The following TNR variants were observed in gnomAD, a reference collection of about 807,000 sequenced individuals.
TNR encodes tenascin-R.
TNR carries 45 observed loss-of-function variants against 150.4 expected under a neutral mutation model. The ratio of observed to expected loss-of-function variants is 0.30; its 90% CI spans 0.24 to 0.38. TNR has a LOEUF of 0.38. TNR is among the 10% of genes least tolerant of loss of function. The pLI is 1.00. For synonymous variants in TNR, 687 were observed against 678.4 expected (o/e 1.01, Z -0.20); for missense variants, 1,544 against 1,759.1 (o/e 0.88, Z 2.19).
intron 1 of TNR, among the ~76,000 whole-genome samples, chr1:175,532,707 A>T (rs1433298803): frequency 6.6e-6 from 1 of 152,206 alleles, no homozygotes; most frequent in African/African-American, 2.4e-5. Flanking sequence ...TTCAGTCAAG[A>T]TGTTGAAGGT....
In TNR at chr1:175,490,122, G is replaced by A. The variant is rs910030325; in HGVS notation, c.-64+38147C>T. Among the ~76,000 whole-genome samples the A allele has an allele frequency of 5.9e-5, 9 of 152,204 alleles. No homozygotes were observed. The East Asian group carries it at 1.7e-3, about 29-fold the overall frequency. The stretch of plus-strand genomic sequence containing the variant: ...AAGCCTGACAAAAACAAGCAATGGG[G>A]AAAAGATTCCCTATTTAATAAATGG... On this transcript the variant is annotated intron_variant, in intron 2 of 22. Coordinates refer to ENST00000367674, the MANE Select transcript of TNR (RefSeq NM_003285.3).
chr1:175,515,803 C>A (rs890839335), intron 2 of TNR, among the ~76,000 whole-genome samples: 2 of 152,146 alleles, frequency 1.3e-5, no homozygotes, highest in Non-Finnish European at 2.9e-5. Flanking sequence ...CTGAATGGGG[C>A]TACAGGCATG....
chr1:175,586,331 C>T (rs577367962), intron 1 of TNR, among the ~76,000 whole-genome samples: 25 of 152,098 alleles, frequency 1.6e-4, no homozygotes, highest in Non-Finnish European at 3.5e-4. Context: ...GTTACTTCTA[C>T]CCCCTTCTCT....
chr1:175,419,457 A>G (rs1654653457), intron 2 of TNR, among the ~76,000 whole-genome samples: 1 of 152,072 alleles, frequency 6.6e-6, no homozygotes, highest in Non-Finnish European at 1.5e-5. Flanking sequence ...TATTAAAAAA[A>G]CCCACTAAGG....
intron 1 of TNR, among the ~76,000 whole-genome samples, chr1:175,692,183 C>A (rs1342292080): frequency 6.6e-6 from 1 of 152,096 alleles, no homozygotes; most frequent in Non-Finnish European, 1.5e-5. Flanking sequence ...GCCAATTAAC[C>A]TTGGGGCAGA....
At position 175,323,596 on chromosome 1, in the gene TNR, C is replaced by T. The variant is rs774695050; in HGVS notation, c.3958-120G>A. ...TGTGGGGTTAGCTATTTTCAGCTAA[C>T]ATGAAGCTTCAAGGCCGAGTTCCCA... is the stretch of plus-strand genomic sequence containing the variant. On this transcript the variant is annotated intron_variant, in intron 22 of 22. Coordinates refer to ENST00000367674, the MANE Select transcript of TNR (RefSeq NM_003285.3). 283 of 1,405,908 alleles carry T rather than the reference C, an allele frequency of 2.0e-4. 1 individual carries two copies. The highest frequency in any genetic ancestry group is 1.3e-3 in the Admixed American group (59 of 46,148). 87.1% of individuals were successfully genotyped at this position (1,405,908 alleles called of 1,614,324 possible).
chr1:175,368,929 A>G (rs1381144515), intron 9 of TNR, among the ~76,000 whole-genome samples: 1 of 152,168 alleles, frequency 6.6e-6, no homozygotes, highest in African/African-American at 2.4e-5. Flanking sequence ...AGCCTGGGTG[A>G]CAGAGTGAGA....
intron 20 of TNR, among the ~76,000 whole-genome samples, chr1:175,331,050 T>TTTCTTTCTTTCTTTCTTTCC (rs1557867595): frequency 3.1e-5 from 3 of 95,762 alleles, no homozygotes; most frequent in Admixed American, 1.2e-4. Flanking sequence ...TCTTTCTTTC[T>TTTCTTTCTTTCTTTCTTTCC]TTCTTTCTTT....
chr1:175,475,177 A>G (rs190885975), intron 2 of TNR, among the ~76,000 whole-genome samples: 86 of 152,232 alleles, frequency 5.6e-4, no homozygotes, highest in African/African-American at 2.0e-3. Context: ...ATTTCCTGGC[A>G]CTGCTTCCCT....
At chr1:175,375,786 AG>A (rs1652349572) in intron 9 of TNR, among the ~76,000 whole-genome samples, 1 of 152,122 alleles carries the variant, frequency 6.6e-6, no homozygotes, top group Non-Finnish European at 1.5e-5. Context: ...TTCAGGTCTG[AG>A]CTTTGTGAGG....
chr1:175,354,645 T>A, intron 17 of TNR, 122 bp from the exon 18 acceptor site: 1 of 1,258,478 alleles, frequency 7.9e-7, no homozygotes, highest in East Asian at 2.3e-5. Flanking sequence ...GCCATTGTCA[T>A]CCTCTCCATC....
intron 2 of TNR, among the ~76,000 whole-genome samples, chr1:175,432,560 G>C (rs1215914227): frequency 6.6e-6 from 1 of 151,584 alleles, no homozygotes; most frequent in Non-Finnish European, 1.5e-5. Flanking sequence ...TTTCCTACAC[G>C]ACTTTCTTTC....
intron 1 of TNR, among the ~76,000 whole-genome samples, chr1:175,674,419 T>C (rs1027870965): frequency 7.9e-5 from 12 of 152,178 alleles, no homozygotes; most frequent in African/African-American, 2.9e-4. Context: ...TTCTTTATAT[T>C]TGAGCTGAAA....
chr1:175,361,670 C>A (rs1193001210), intron 14 of TNR, among the ~76,000 whole-genome samples: 2 of 152,298 alleles, frequency 1.3e-5, no homozygotes, highest in East Asian at 3.9e-4. Context: ...ATACCATTCT[C>A]CAGTGAAATT....
intron 9 of TNR, among the ~76,000 whole-genome samples, chr1:175,375,975 C>T (rs1221484189): frequency 1.3e-5 from 2 of 152,210 alleles, no homozygotes; most frequent in African/African-American, 2.4e-5. Context: ...AAGAAATTTG[C>T]TCAAGGATGC....
intron 2 of TNR, among the ~76,000 whole-genome samples, chr1:175,417,057 A>AAGAAAGAAAGAAAGAAAGAC (rs1654517166): frequency 9.6e-6 from 1 of 104,444 alleles, no homozygotes; most frequent in African/African-American, 3.3e-5. Flanking sequence ...GAAAGAAAGA[A>AAGAAAGAAAGAAAGAAAGAC]AGAAAGAAAG....
chr1:175,518,905 C>A (rs1415793283), intron 2 of TNR, among the ~76,000 whole-genome samples: 3 of 152,176 alleles, frequency 2.0e-5, no homozygotes, highest in African/African-American at 7.2e-5. Flanking sequence ...TCTTTATCCA[C>A]CCCTCTGCCA....
intron 1 of TNR, among the ~76,000 whole-genome samples, chr1:175,731,559 T>C (rs1386720178): frequency 6.6e-6 from 1 of 152,204 alleles, no homozygotes; most frequent in African/African-American, 2.4e-5. Flanking sequence ...TTTCACAAAA[T>C]TATGGACAGT....
At chr1:175,678,549 C>G (rs1665935262) in intron 1 of TNR, among the ~76,000 whole-genome samples, 1 of 152,182 alleles carries the variant, frequency 6.6e-6, no homozygotes, top group Admixed American at 6.5e-5. Flanking sequence ...GACTCCCTGC[C>G]CTGCCCACCT....
Sources: gnomAD v4.1 joint callset for allele counts (sites outside exome capture counted in the v4.1 genomes callset) on GRCh38, gnomAD v4.1.1 for gene constraint, MANE v1.5 for transcripts, NCBI Gene and HGNC (gene_info 2026-07-23, HGNC 2026-07-21) for gene names.